MYLK: variants seen among roughly 807,000 people sequenced by gnomAD.
MYLK encodes myosin light chain kinase.
MYLK carries 106 observed loss-of-function variants against 203.4 expected under a neutral mutation model. That is an observed-to-expected ratio of 0.52 (90% CI 0.45 to 0.61). The LOEUF is 0.61. MYLK is among the 20% of genes least tolerant of loss of function. The pLI is 0.00. For missense variants in MYLK, 2,072 were observed against 2,442.3 expected (o/e 0.85, Z 3.20); for synonymous variants, 867 against 959.5 (o/e 0.90, Z 1.78).
At chr3:123,834,495 C>G (rs968391112) in intron 2 of MYLK, among the ~76,000 whole-genome samples, 1 of 151,918 alleles carries the variant, frequency 6.6e-6, no homozygotes, top group East Asian at 1.9e-4. Flanking sequence ...TTGAGTTGCC[C>G]TCATCACCCA....
Position 123,700,590 on chromosome 3 carries a change from T to C in MYLK, c.2878A>G (p.Lys960Glu). The C allele has an allele frequency of 6.2e-7, 1 of 1,613,714 alleles. No individual in the cohort carries two copies. Among genetic ancestry groups the C allele is most frequent in the Non-Finnish European group, 8.5e-7 (1 of 1,179,950 alleles). ...GGCACGGGGGTCTTGGAAGTCCCCTTCTTGGCCAGGACAGAGCGAAAATCG... is the reference window on the plus strand; with the variant it reads ...GGCACGGGGGTCTTGGAAGTCCCCTCCTTGGCCAGGACAGAGCGAAAATCG... The part of the protein sequence containing the change: ...QVDFRSVLAK[K>E]GTSKTPVPEK... Residue 960 changes from lysine (K) to glutamate (E), a missense_variant, in exon 18 of 34, where the codon AAG becomes GAG. Transcript: ENST00000360304.
intron 5 of MYLK, among the ~76,000 whole-genome samples, chr3:123,751,815 A>G (rs1435604002): frequency 6.6e-6 from 1 of 152,172 alleles, no homozygotes; most frequent in Non-Finnish European, 1.5e-5. Context: ...AGGGCCTCTA[A>G]GGAGCAGACA....
At chr3:123,687,862 G>C (rs2060518854) in intron 19 of MYLK, among the ~76,000 whole-genome samples, 1 of 152,088 alleles carries the variant, frequency 6.6e-6, no homozygotes, top group Non-Finnish European at 1.5e-5. Context: ...TGTAGAGACA[G>C]GGTTTCACCA....
intron 3 of MYLK, among the ~76,000 whole-genome samples, chr3:123,797,040 G>C (rs546508944): frequency 5.3e-5 from 8 of 152,158 alleles, no homozygotes; most frequent in African/African-American, 1.9e-4. Context: ...GTCAAATACA[G>C]TGGAATACCA....
intron 11 of MYLK, among the ~76,000 whole-genome samples, chr3:123,729,874 CCT>C (rs2062416529): frequency 6.7e-6 from 1 of 149,784 alleles, no homozygotes; most frequent in African/African-American, 2.5e-5. Context: ...AGAGTGAGAC[CCT>C]GTTTCAAAAA....
rs1054482295 is a variant in MYLK, at chr3:123,843,436, C to T, written c.-126-11766G>A. On this transcript the variant is annotated intron_variant, in intron 2 of 33. Coordinates refer to ENST00000360304, the MANE Select transcript of MYLK (RefSeq NM_053025.4). ...GTCTAAGAGCATCCAAGCTAGGGAG[C>T]AGGACAAGGAGACTATATATGTAGC... Among the ~76,000 whole-genome samples the T allele has an allele frequency of 2.0e-5, 3 of 152,066 alleles. 1 individual carries two copies. In the South Asian group the frequency reaches 6.2e-4, roughly 32 times the overall value.
At chr3:123,810,802 A>T (rs2109229841) in intron 3 of MYLK, among the ~76,000 whole-genome samples, 1 of 152,254 alleles carries the variant, frequency 6.6e-6, no homozygotes, top group East Asian at 1.9e-4. Context: ...CTCCCAAAGG[A>T]CACCCTCCAG....
At chr3:123,860,261 C>G (rs1268234948) in intron 2 of MYLK, among the ~76,000 whole-genome samples, 2 of 152,164 alleles carry the variant, frequency 1.3e-5, no homozygotes, top group Non-Finnish European at 2.9e-5. Flanking sequence ...TGCTGAGCAA[C>G]CAGCATCACT....
chr3:123,687,246 G>C (rs1332021431), intron 19 of MYLK, among the ~76,000 whole-genome samples: 1 of 152,050 alleles, frequency 6.6e-6, no homozygotes, highest in Non-Finnish European at 1.5e-5. Flanking sequence ...AAATAAATGT[G>C]GGGGTGGGAG....
intron 1 of MYLK, among the ~76,000 whole-genome samples, chr3:123,880,901 C>T (rs2033491311): frequency 6.6e-6 from 1 of 152,136 alleles, no homozygotes; most frequent in Non-Finnish European, 1.5e-5. Context: ...CAGGTGCATG[C>T]AACAAGGAGG....
chr3:123,712,592 T>A, intron 13 of MYLK, among the ~76,000 whole-genome samples: 1 of 152,220 alleles, frequency 6.6e-6, no homozygotes, highest in South Asian at 2.1e-4. Flanking sequence ...CATTGGGGAC[T>A]AAAAGCCTAT....
Position 123,700,940 on chromosome 3 carries a change from C to T in MYLK, c.2528G>A (p.Ser843Asn), listed in dbSNP as rs1192479930. ...GGGVGADGGG[S>N]DRYGSLRPGW... Reference sequence around the variant, plus strand: ...AGGCCTCAGGGACCCATAGCGGTCACTACCACCACCATCAGCACCAACTCC... The same window carrying T: ...AGGCCTCAGGGACCCATAGCGGTCATTACCACCACCATCAGCACCAACTCC... Residue 843 changes from serine (S) to asparagine (N), a missense_variant, in exon 18 of 34, where the codon AGT becomes AAT. Ser to Asn is a conservative substitution (Grantham distance 46). Transcript: ENST00000360304. 1.2e-6 allele frequency: 2 copies of T among 1,610,976 alleles called. No homozygotes were observed. The highest frequency in any genetic ancestry group is 1.7e-6 in the Non-Finnish European group (2 of 1,180,016).
chr3:123,640,211 CT>C lies in MYLK; in HGVS notation c.4837+75del, dbSNP rs2058782772. 4 of 1,381,190 alleles carry C rather than the reference CT, an allele frequency of 2.9e-6. No individual in the cohort carries two copies. The East Asian group carries it at 9.1e-5, about 32-fold the overall frequency. The allele number at this position is 1,381,190 out of a possible 1,614,324, so 85.6% of individuals were successfully genotyped here. ...ATTTAACCCCAATACTGTATGTTTC[CT>C]CTCACACTCAGTGTGAGAGGAAACG... On this transcript the variant is annotated intron_variant, in intron 28 of 33. Transcript: ENST00000360304. This position sits in a 1 kb window ranked among gnomAD's most constrained non-coding sequence, Gnocchi z 4.3.
At chr3:123,770,610 G>A (rs2063848183) in intron 4 of MYLK, among the ~76,000 whole-genome samples, 1 of 152,380 alleles carries the variant, frequency 6.6e-6, no homozygotes, top group Admixed American at 6.5e-5. Flanking sequence ...CTCAAGGTGT[G>A]TGAGGGGGTG....
intron 23 of MYLK, among the ~76,000 whole-genome samples, chr3:123,660,528 A>G (rs2059530604): frequency 6.6e-6 from 1 of 152,212 alleles, no homozygotes; most frequent in African/African-American, 2.4e-5. Flanking sequence ...GGCTCTGAGC[A>G]TTGCAAATTC....
chr3:123,850,558 G>A (rs1161687790), intron 2 of MYLK, among the ~76,000 whole-genome samples: 1 of 152,158 alleles, frequency 6.6e-6, no homozygotes, highest in Non-Finnish European at 1.5e-5. Flanking sequence ...AGAAGTGTCT[G>A]TTCATATCCT....
At chr3:123,632,243 C>T (rs1460347815) in intron 29 of MYLK, among the ~76,000 whole-genome samples, 1 of 152,116 alleles carries the variant, frequency 6.6e-6, no homozygotes, top group Non-Finnish European at 1.5e-5. Context: ...CTCTCTGTCT[C>T]TGTGACCCCG....
intron 4 of MYLK, among the ~76,000 whole-genome samples, chr3:123,768,333 C>T (rs2063769400): frequency 6.6e-6 from 1 of 152,236 alleles, no homozygotes; most frequent in South Asian, 2.1e-4. Flanking sequence ...CCCTGGCCCT[C>T]AGCTGTTTCT....
rs756095156 is a variant in MYLK at position 123,666,248 on chromosome 3, T to C, written c.3802A>G (p.Thr1268Ala). ...TTTCGGAACTTCATCCAGGTACAGGTGATGGGCTGAGTGCCTGTCACTTTG... is the reference window on the plus strand; with the variant it reads ...TTTCGGAACTTCATCCAGGTACAGGCGATGGGCTGAGTGCCTGTCACTTTG... ...FGKVTGTQPI[T>A]CTWMKFRKQI... Residue 1268 changes from threonine to alanine, a missense_variant, in exon 22 of 34, where the codon ACC becomes GCC. By Grantham distance (58) the Thr-to-Ala change is moderately conservative (BLOSUM62 0). This residue lies in a region of MYLK where 865 missense variants were observed against 1,016.0 expected (regional missense o/e 0.85). Transcript: ENST00000360304. 4.3e-6 allele frequency: 7 copies of C among 1,614,056 alleles called. No individual in the cohort carries two copies. The Admixed American group carries it at 5.0e-5, about 12-fold the overall frequency.
Sources: gnomAD v4.1 joint callset for allele counts (sites outside exome capture counted in the v4.1 genomes callset) on GRCh38, gnomAD v4.1.1 for gene constraint, gnomAD v4.1.1 regional missense constraint, Gnocchi (gnomAD v3.1) non-coding constraint, MANE v1.5 for transcripts, NCBI Gene and HGNC (gene_info 2026-07-23, HGNC 2026-07-21) for gene names.